The following DR1 variants were observed in gnomAD, a reference collection of about 807,000 sequenced individuals.
DR1 encodes the protein protein Dr1.
Under a neutral mutation model 19.9 loss-of-function variants are expected in DR1, and 7 were observed. The observed-to-expected ratio is 0.35, with a 90% confidence interval of 0.20 to 0.66. The LOEUF (loss-of-function observed/expected upper bound fraction) is 0.66, where lower values mean the gene tolerates loss of function less well. Ranked by LOEUF, DR1 falls within the 30% of genes least tolerant of loss-of-function variation. The probability of loss-of-function intolerance (pLI) is 0.66; values close to 1 mark genes in which losing one functional copy is unlikely to be tolerated. For missense variants in DR1, 98 were observed against 203.7 expected (o/e 0.48, Z 3.16); for synonymous variants, 76 against 72.5 (o/e 1.05, Z -0.24).
rs1408734600 is a variant in DR1, at chr1:93,367,251, G to C, written c.*6612G>C. ...TGGGTTAAATCAAGGAATAACTGTT[G>C]GGAAGTGAAAATTTTAAGGAGCACC... is the stretch of plus-strand genomic sequence containing the variant. On this transcript the variant is annotated 3_prime_UTR_variant, in exon 3 of 3. Transcript: ENST00000370272. 6.6e-6 allele frequency: 1 copy of C among 151,928 alleles called. No homozygotes were observed. Among genetic ancestry groups the C allele is most frequent in the Non-Finnish European group, 1.5e-5 (1 of 68,004 alleles). 9.4% of individuals were successfully genotyped at this position (151,928 alleles called of 1,614,324 possible).
Position 93,346,202 on chromosome 1 carries a change from CG to C in DR1, c.-440del. The C allele has an allele frequency of 5.1e-6, 1 of 197,802 alleles. No homozygotes were observed. The highest frequency in any genetic ancestry group is 1.0e-5 in the Non-Finnish European group (1 of 97,554). 12.3% of individuals were successfully genotyped at this position (197,802 alleles called of 1,614,324 possible). On this transcript the variant is annotated 5_prime_UTR_variant, in exon 1 of 3. An upstream open reading frame in the 5' UTR loses its in-frame stop. Transcript: ENST00000370272. ...CTGCTGGCGGCGGCGGCAGCGGCAG[CG>C]GGGCCTCGGGCTCTATAGAGCCGAG...
intron 1 of DR1, among the ~76,000 whole-genome samples, chr1:93,348,885 A>G (rs1432763607): frequency 6.6e-6 from 1 of 152,008 alleles, no homozygotes. Context: ...ATTCCAAAGA[A>G]GTTTTGTTTT....
Position 93,346,363 on chromosome 1 carries a change from T to C in DR1, c.-283T>C. On this transcript the variant is annotated 5_prime_UTR_variant, in exon 1 of 3. Transcript: ENST00000370272. Reference sequence around the variant, plus strand: ...GACACGAAGGTGGTTCCCCAGCCGCTCAAATTTCCGGACCACCGCGCTTTC... The same window carrying C: ...GACACGAAGGTGGTTCCCCAGCCGCCCAAATTTCCGGACCACCGCGCTTTC... 2.3e-6 allele frequency: 1 copy of C among 442,926 alleles called. No homozygotes were observed. The highest frequency in any genetic ancestry group is 4.2e-6 in the Non-Finnish European group (1 of 240,030). 27.4% of individuals were successfully genotyped at this position (442,926 alleles called of 1,614,324 possible).
At chr1:93,354,450 GTTAAA>G in intron 2 of DR1, among the ~76,000 whole-genome samples, 1 of 152,254 alleles carries the variant, frequency 6.6e-6, no homozygotes, top group South Asian at 2.1e-4. Context: ...CAACTGTGTA[GTTAAA>G]TTAGGTCTTT....
intron 2 of DR1, among the ~76,000 whole-genome samples, chr1:93,358,518 C>G (rs1378194952): frequency 1.3e-5 from 2 of 152,216 alleles, no homozygotes; most frequent in African/African-American, 4.8e-5. Flanking sequence ...CACCCCATCC[C>G]CCCACTCTGG....
At chr1:93,355,528 C>G (rs1225664530) in intron 2 of DR1, 1 of 152,184 alleles carries the variant, frequency 6.6e-6, no homozygotes, top group Non-Finnish European at 1.5e-5. Flanking sequence ...TCTAACATAC[C>G]ATGCTGATGC....
chr1:93,360,802 T>A lies in DR1; in HGVS notation c.*163T>A. The A allele has an allele frequency of 1.4e-6, 1 of 708,826 alleles. No homozygotes were observed. Among genetic ancestry groups the A allele is most frequent in the Non-Finnish European group, 2.2e-6 (1 of 457,438 alleles). The allele number at this position is 708,826 out of a possible 1,614,324, so 43.9% of individuals were successfully genotyped here. A position where few individuals can be genotyped will look rare whatever the true frequency, so the allele number is the denominator to read the frequency against. ...AGTTTCATCTATTGTGTGCTATACATGTAAAAACTGTCTCTTTGAACTATT... is the reference window on the plus strand; with the variant it reads ...AGTTTCATCTATTGTGTGCTATACAAGTAAAAACTGTCTCTTTGAACTATT... On this transcript the variant is annotated 3_prime_UTR_variant, in exon 3 of 3. Transcript: ENST00000370272.
chr1:93,358,217 T>C (rs1260725612), intron 2 of DR1, among the ~76,000 whole-genome samples: 1 of 152,178 alleles, frequency 6.6e-6, no homozygotes, highest in Non-Finnish European at 1.5e-5. Flanking sequence ...TAAGCAATTA[T>C]CTTAGCTCCA....
rs1414278616 is a variant in DR1, at chr1:93,365,193, A to T, written c.*4554A>T. 6 of 152,166 alleles carry T rather than the reference A, an allele frequency of 3.9e-5. No individual in the cohort carries two copies. Among genetic ancestry groups the T allele is most frequent in the Admixed American group, 1.3e-4 (2 of 15,276 alleles). 9.4% of individuals were successfully genotyped at this position (152,166 alleles called of 1,614,324 possible). On this transcript the variant is annotated 3_prime_UTR_variant, in exon 3 of 3. Coordinates refer to ENST00000370272, the MANE Select transcript of DR1 (RefSeq NM_001938.3). Reference sequence around the variant, plus strand: ...ATATAGATTGCAGTGGCTAGATTACAGTGACTATTCACAGGCATAATCATA... The same window carrying T: ...ATATAGATTGCAGTGGCTAGATTACTGTGACTATTCACAGGCATAATCATA...
At chr1:93,357,397 T>G (rs1667001721) in intron 2 of DR1, among the ~76,000 whole-genome samples, 1 of 152,100 alleles carries the variant, frequency 6.6e-6, no homozygotes, top group African/African-American at 2.4e-5. Context: ...TCCCAGTTAC[T>G]CGGGAGATGG....
rs903137165 is a variant in DR1, at chr1:93,365,718, T to C, written c.*5079T>C. The C allele has an allele frequency of 2.6e-5, 4 of 152,178 alleles. No individual in the cohort carries two copies. The highest frequency in any genetic ancestry group is 9.7e-5 in the African/African-American group (4 of 41,440). The allele number at this position is 152,178 out of a possible 1,614,324, so 9.4% of individuals were successfully genotyped here. ...AAAGAGGAGGCCCAGGATTAAAATA[T>C]GTTTCCAAGAAAGTCAAATCTTACA... On this transcript the variant is annotated 3_prime_UTR_variant, in exon 3 of 3. Coordinates refer to ENST00000370272, the MANE Select transcript of DR1 (RefSeq NM_001938.3).
intron 1 of DR1, among the ~76,000 whole-genome samples, chr1:93,351,436 CTTTTTTTTTTT>C (rs397862048): frequency 2.9e-4 from 30 of 103,844 alleles, no homozygotes; most frequent in Non-Finnish European, 4.2e-4. Flanking sequence ...GATTTTCTTT[CTTTTTTTTTTT>C]TTTTTTTTTT....
rs1667186872 is a variant in DR1, at chr1:93,367,949, T to A, written c.*7310T>A. ...TTTCTTGAACCCAGAAGGCGGAGGT[T>A]GCAGTGAGTTGAGATCGCGACACTG... On this transcript the variant is annotated 3_prime_UTR_variant, in exon 3 of 3. Transcript: ENST00000370272. 1 of 152,178 alleles carries A rather than the reference T, an allele frequency of 6.6e-6. No individual in the cohort carries two copies. The highest frequency in any genetic ancestry group is 2.4e-5 in the African/African-American group (1 of 41,402). 9.4% of individuals were successfully genotyped at this position (152,178 alleles called of 1,614,324 possible). A position where few individuals can be genotyped will look rare whatever the true frequency, so the allele number is the denominator to read the frequency against.
chr1:93,352,721 T>G (rs1305446341), intron 1 of DR1, among the ~76,000 whole-genome samples: 1 of 152,128 alleles, frequency 6.6e-6, no homozygotes, highest in East Asian at 1.9e-4. Flanking sequence ...TTAAATTGAT[T>G]TACTGTTTTT....
intron 1 of DR1, 119 bp from the exon 2 acceptor site, chr1:93,353,789 A>G: frequency 1.4e-6 from 1 of 740,548 alleles, no homozygotes; most frequent in South Asian, 3.1e-5. Context: ...TAAAATTATT[A>G]GAAAACAGCA....
rs1360218687 is a variant in DR1, at chr1:93,346,283, T to C, written c.-363T>C. 9.7e-6 allele frequency: 3 copies of C among 310,854 alleles called. No individual in the cohort carries two copies. The highest frequency in any genetic ancestry group is 1.7e-4 in the East Asian group (2 of 11,498). 19.3% of individuals were successfully genotyped at this position (310,854 alleles called of 1,614,324 possible). ...GAGGCCAGTGCCCCTGGATCTTGCC[T>C]CTGCTCCGACGCCGTTGGGGACCAG... is the stretch of plus-strand genomic sequence containing the variant. On this transcript the variant is annotated 5_prime_UTR_variant, in exon 1 of 3. Transcript: ENST00000370272.
chr1:93,347,601 G>A (rs1666868413), intron 1 of DR1, among the ~76,000 whole-genome samples: 2 of 151,884 alleles, frequency 1.3e-5, no homozygotes, highest in Non-Finnish European at 1.5e-5. Flanking sequence ...TTTTTTAACG[G>A]AAAATTTCCC....
chr1:93,353,831 A>G, intron 1 of DR1, 77 bp from the exon 2 acceptor site: 1 of 1,251,020 alleles, frequency 8.0e-7, no homozygotes, highest in South Asian at 2.0e-5. Context: ...AAAAGCCCAC[A>G]AAAACTTTAG....
At chr1:93,356,668 G>T (rs898065908) in intron 2 of DR1, among the ~76,000 whole-genome samples, 3 of 151,452 alleles carry the variant, frequency 2.0e-5, no homozygotes, top group Admixed American at 2.0e-4. Context: ...GTATGCTTAT[G>T]TTGGTTGAAT....
Sources: allele counts gnomAD v4.1 joint callset (sites outside exome capture counted in the v4.1 genomes callset), GRCh38; gene constraint gnomAD v4.1.1; transcripts MANE v1.5; gene names NCBI Gene and HGNC (gene_info 2026-07-23, HGNC 2026-07-21).